The following SAMSN1 variants were observed in gnomAD, a reference collection of about 807,000 sequenced individuals.
The protein encoded by SAMSN1 is SAM domain-containing protein SAMSN-1.
SAMSN1 carries 31 observed loss-of-function variants against 42.0 expected under a neutral mutation model. That is an observed-to-expected ratio of 0.74 (90% CI 0.55 to 1.00). SAMSN1 has a LOEUF of 1.00. Among genes scored for constraint, SAMSN1 ranks in the 50% least tolerant of loss-of-function variants. SAMSN1 has a pLI of 0.00. For synonymous variants in SAMSN1, 178 were observed against 151.9 expected (o/e 1.17, Z -1.26); for missense variants, 464 against 439.4 (o/e 1.06, Z -0.50).
upstream of SAMSN1, among the ~76,000 whole-genome samples, chr21:14,659,071 T>C (rs1236911389): frequency 6.6e-6 from 1 of 151,900 alleles, no homozygotes; most frequent in African/African-American, 2.4e-5. Context: ...GCAGTGAAAA[T>C]GCATTGGAAA....
chr21:14,497,090 C>T (rs1986941404), intron 7 of SAMSN1, among the ~76,000 whole-genome samples: 1 of 152,052 alleles, frequency 6.6e-6, no homozygotes, highest in South Asian at 2.1e-4. Flanking sequence ...CACAGCAGCA[C>T]ATACATTGGG....
chr21:14,490,083 C>T (rs1192225761), intron 7 of SAMSN1, among the ~76,000 whole-genome samples: 1 of 152,042 alleles, frequency 6.6e-6, no homozygotes. Context: ...CTTGACTTTC[C>T]CAGATTTCTT....
At chr21:14,497,452 G>A (rs762491778) in intron 7 of SAMSN1, among the ~76,000 whole-genome samples, 22 of 152,024 alleles carry the variant, frequency 1.4e-4, no homozygotes, top group African/African-American at 3.4e-4. Context: ...AAAATTAGCC[G>A]GGTGTGGTGG....
At chr21:14,524,827 A>G (rs1237457041) in intron 1 of SAMSN1, among the ~76,000 whole-genome samples, 1 of 152,212 alleles carries the variant, frequency 6.6e-6, no homozygotes, top group Admixed American at 6.5e-5. Flanking sequence ...CATACAGTGT[A>G]AGGAGAAAAA....
At chr21:14,590,011 G>A (rs2822803) in intron 7 of SAMSN1, among the ~76,000 whole-genome samples, 6 of 152,208 alleles carry the variant, frequency 3.9e-5, no homozygotes, top group East Asian at 1.9e-4. Flanking sequence ...AGTTTCATAT[G>A]TATCACATTG....
chr21:14,541,839 A>G (rs1246727167), intron 1 of SAMSN1, among the ~76,000 whole-genome samples: 1 of 152,160 alleles, frequency 6.6e-6, no homozygotes, highest in Non-Finnish European at 1.5e-5. Context: ...CAAAACATAT[A>G]AATACTAGCT....
intron 5 of SAMSN1, among the ~76,000 whole-genome samples, chr21:14,506,082 G>A (rs1987387712): frequency 6.6e-6 from 1 of 152,072 alleles, no homozygotes; most frequent in South Asian, 2.1e-4. Flanking sequence ...GGGGTGCTAA[G>A]GGGAAAGTGC....
intron 2 of SAMSN1, among the ~76,000 whole-genome samples, chr21:14,562,426 G>A (rs1261365863): frequency 6.6e-6 from 1 of 151,862 alleles, no homozygotes; most frequent in Non-Finnish European, 1.5e-5. Flanking sequence ...AATGTTACCT[G>A]AACAAAGAAA....
intron 1 of SAMSN1, among the ~76,000 whole-genome samples, chr21:14,541,551 A>T (rs924217433): frequency 6.6e-6 from 1 of 152,148 alleles, no homozygotes; most frequent in East Asian, 1.9e-4. Context: ...TAGCTCATAA[A>T]TTATACTTCG....
intron 2 of SAMSN1, among the ~76,000 whole-genome samples, chr21:14,581,801 T>G (rs1981740798): frequency 1.3e-5 from 2 of 152,320 alleles, no homozygotes; most frequent in South Asian, 4.1e-4. Flanking sequence ...AATTAGCTAT[T>G]ATTTTTCAGT....
At chr21:14,584,817 TATA>T (rs1269636419), upstream of SAMSN1, among the ~76,000 whole-genome samples, 2 of 152,244 alleles carry the variant, frequency 1.3e-5, no homozygotes, top group African/African-American at 2.4e-5. Context: ...GAGACATATT[TATA>T]ATAATGCTTT....
intron 4 of SAMSN1, 40 bp downstream of exon 4, chr21:14,512,404 C>A (rs796460513): frequency 6.2e-7 from 1 of 1,606,122 alleles, no homozygotes; most frequent in Non-Finnish European, 8.5e-7. Context: ...TTAACCCAGA[C>A]CTCACACCCA....
At position 14,625,518 on chromosome 21, in the gene SAMSN1, C is replaced by T. The variant is rs562933705; in HGVS notation, c.157-9502G>A. On this transcript the variant is annotated intron_variant, in intron 2 of 15. Coordinates refer to the SAMSN1 transcript ENST00000647101. ...CAGAGAGCCAAATCATGAGTGAACT[C>T]CCATTCACAATTGCTTCAAAGAGAA... 7.2e-5 allele frequency among the ~76,000 whole-genome samples: 11 copies of T among 152,304 alleles called. No individual in the cohort carries two copies. In the East Asian group the frequency reaches 2.1e-3, roughly 29 times the overall value.
At chr21:14,556,668 A>C (rs1488012164) in intron 2 of SAMSN1, among the ~76,000 whole-genome samples, 2 of 152,194 alleles carry the variant, frequency 1.3e-5, no homozygotes, top group African/African-American at 2.4e-5. Context: ...TTATACATGA[A>C]GTGCAAAGCC....
intron 5 of SAMSN1, among the ~76,000 whole-genome samples, chr21:14,606,591 A>G (rs765694765): frequency 4.6e-5 from 7 of 152,174 alleles, no homozygotes; most frequent in Admixed American, 2.0e-4. Flanking sequence ...TATTCTTCCT[A>G]TCTATGATGC....
intron 2 of SAMSN1, among the ~76,000 whole-genome samples, chr21:14,624,677 C>T (rs1983114084): frequency 6.6e-6 from 1 of 152,162 alleles, no homozygotes; most frequent in Non-Finnish European, 1.5e-5. Context: ...GATGGATTCA[C>T]AGCCAAATAC....
Position 14,485,726 on chromosome 21 carries a change from A to T in SAMSN1, c.*186T>A. 1 of 498,348 alleles carries T rather than the reference A, an allele frequency of 2.0e-6. No individual in the cohort carries two copies. Among genetic ancestry groups the T allele is most frequent in the Non-Finnish European group, 3.5e-6 (1 of 282,906 alleles). 30.9% of individuals were successfully genotyped at this position (498,348 alleles called of 1,614,324 possible). On this transcript the variant is annotated 3_prime_UTR_variant, in exon 8 of 8. Transcript: ENST00000400566. ...ATAGCATTTAAAATAATAAATATAT[A>T]TTTTATTGACAGTAATTTGGAATGT...
intron 7 of SAMSN1, among the ~76,000 whole-genome samples, chr21:14,486,991 G>A (rs373907902): frequency 6.6e-6 from 1 of 152,144 alleles, no homozygotes; most frequent in Non-Finnish European, 1.5e-5. Flanking sequence ...CTCTGTCCAT[G>A]TGGTTTCTTG....
intron 2 of SAMSN1, among the ~76,000 whole-genome samples, chr21:14,625,972 A>ACC (rs1983157747): frequency 6.6e-6 from 1 of 152,072 alleles, no homozygotes; most frequent in African/African-American, 2.4e-5. Context: ...TGAAATAATA[A>ACC]CACACATCTA....
Sources: gnomAD v4.1 joint callset for allele counts (sites outside exome capture counted in the v4.1 genomes callset) on GRCh38, gnomAD v4.1.1 for gene constraint, MANE v1.5 for transcripts, NCBI Gene and HGNC (gene_info 2026-07-23, HGNC 2026-07-21) for gene names.